Variants in TAFA4 observed in about 807,000 individuals in gnomAD.
TAFA4 encodes the protein TAFA chemokine like family member 4.
TAFA4 carries 20 observed loss-of-function variants against 21.1 expected under a neutral mutation model. That is an observed-to-expected ratio of 0.95 (90% CI 0.67 to 1.38). The LOEUF is 1.38. TAFA4 is among the 40% of genes most tolerant of loss of function. The pLI, the probability that TAFA4 is intolerant of heterozygous loss-of-function variation, is 0.00. For synonymous variants in TAFA4, 71 were observed against 67.4 expected, an observed-to-expected ratio of 1.05 and a Z score of -0.26; for missense variants, 211 against 180.9, an observed-to-expected ratio of 1.17 and a Z score of -0.95.
intron 3 of TAFA4, among the ~76,000 whole-genome samples, chr3:68,846,005 G>A (rs761263690): frequency 8.5e-5 from 13 of 152,122 alleles, no homozygotes; most frequent in East Asian, 3.9e-4. Context: ...GGGGTTGGTC[G>A]TCTTGAGGAG....
intron 3 of TAFA4, among the ~76,000 whole-genome samples, chr3:68,875,293 A>C (rs911291798): frequency 1.3e-5 from 2 of 151,856 alleles, no homozygotes; most frequent in African/African-American, 4.8e-5. Flanking sequence ...TGAGTAATCA[A>C]TAGTACGGTT....
chr3:68,847,239 A>T lies in TAFA4; in HGVS notation c.130+33491T>A, dbSNP rs1246922156. On this transcript the variant is annotated intron_variant, in intron 3 of 5. Transcript: ENST00000295569. ...CCCAGAGAGGAGGAATCTAGAGAGG[A>T]AGTCTGCTTACAGTGGCTTTTCTGA... Among the ~76,000 whole-genome samples the T allele has an allele frequency of 2.6e-5, 4 of 152,186 alleles. No individual in the cohort carries two copies. The East Asian group carries it at 7.7e-4, about 29-fold the overall frequency.
intron 3 of TAFA4, among the ~76,000 whole-genome samples, chr3:68,828,235 T>C (rs2106874161): frequency 6.6e-6 from 1 of 152,340 alleles, no homozygotes; most frequent in South Asian, 2.1e-4. Flanking sequence ...CATTGGTCTA[T>C]ATCTCTGTTT....
At chr3:68,845,768 T>C (rs903210633) in intron 3 of TAFA4, among the ~76,000 whole-genome samples, 1 of 152,210 alleles carries the variant, frequency 6.6e-6, no homozygotes, top group African/African-American at 2.4e-5. Context: ...CATTTCTCCT[T>C]CACTTATGAA....
intron 1 of TAFA4, among the ~76,000 whole-genome samples, chr3:68,928,051 C>T (rs1211204127): frequency 6.6e-6 from 1 of 152,156 alleles, no homozygotes; most frequent in Non-Finnish European, 1.5e-5. Flanking sequence ...ATTTTATTAA[C>T]AAGAACTCCC....
At chr3:68,877,707 T>C (rs1303409177) in intron 3 of TAFA4, among the ~76,000 whole-genome samples, 1 of 152,166 alleles carries the variant, frequency 6.6e-6, no homozygotes, top group East Asian at 1.9e-4. Context: ...ACTAGAACAA[T>C]GAAAAAACAA....
intron 3 of TAFA4, among the ~76,000 whole-genome samples, chr3:68,831,606 G>C (rs1417182282): frequency 1.3e-5 from 2 of 152,124 alleles, no homozygotes; most frequent in Non-Finnish European, 2.9e-5. Context: ...CTCTCTGGCT[G>C]CCCTTAACAT....
chr3:68,810,130 A>G (rs936153642), intron 3 of TAFA4, among the ~76,000 whole-genome samples: 3 of 152,324 alleles, frequency 2.0e-5, no homozygotes, highest in African/African-American at 7.2e-5. Flanking sequence ...GGAATTTGAT[A>G]AGGAATGCAT....
At chr3:68,736,470 A>C (rs1482630141) in intron 5 of TAFA4, among the ~76,000 whole-genome samples, 1 of 152,178 alleles carries the variant, frequency 6.6e-6, no homozygotes, top group Admixed American at 6.6e-5. Flanking sequence ...TTAACTGCCA[A>C]CTATTTTCAT....
chr3:68,856,570 A>G (rs536167681), intron 3 of TAFA4, among the ~76,000 whole-genome samples: 94 of 152,262 alleles, frequency 6.2e-4, no homozygotes, highest in African/African-American at 2.2e-3. Flanking sequence ...CCATAGGTAC[A>G]ACAACCTTCA....
At chr3:68,859,199 A>C (rs1575645018) in intron 3 of TAFA4, among the ~76,000 whole-genome samples, 1 of 152,156 alleles carries the variant, frequency 6.6e-6, no homozygotes, top group African/African-American at 2.4e-5. Flanking sequence ...TACATTACCT[A>C]TCAGCCACCA....
intron 3 of TAFA4, among the ~76,000 whole-genome samples, chr3:68,815,017 A>G (rs1250509315): frequency 6.6e-6 from 1 of 152,226 alleles, no homozygotes; most frequent in Non-Finnish European, 1.5e-5. Context: ...CCACATATCT[A>G]TAACTATCTG....
chr3:68,871,981 A>T (rs1364554163), intron 3 of TAFA4, among the ~76,000 whole-genome samples: 1 of 152,174 alleles, frequency 6.6e-6, no homozygotes, highest in Non-Finnish European at 1.5e-5. Context: ...CCACTGTGGA[A>T]AACAATACAG....
At chr3:68,842,933 T>C (rs969634093) in intron 3 of TAFA4, among the ~76,000 whole-genome samples, 3 of 152,234 alleles carry the variant, frequency 2.0e-5, no homozygotes, top group East Asian at 3.8e-4. Flanking sequence ...TTTTGGTTAC[T>C]GTAGCCTTGG....
Position 68,880,780 on chromosome 3 carries a change from A to G in TAFA4, c.80T>C (p.Val27Ala). 6.2e-7 allele frequency: 1 copy of G among 1,613,964 alleles called. No individual in the cohort carries two copies. Among genetic ancestry groups the G allele is most frequent in the Non-Finnish European group, 8.5e-7 (1 of 1,179,958 alleles). ...TGAGGCGGACATCAGCTTACAGCACACCATTAACACGTAGGCTAGAAAGAG... is the reference window on the plus strand; with the variant it reads ...TGAGGCGGACATCAGCTTACAGCACGCCATTAACACGTAGGCTAGAAAGAG... ...HWLFLAYVLM[V>A]CCKLMSASSQ... Residue 27 changes from valine (V) to alanine (A), a missense_variant, in exon 3 of 6, where the codon GTG becomes GCG. By Grantham distance (64) the Val-to-Ala change is moderately conservative (BLOSUM62 0). Coordinates refer to ENST00000295569, the MANE Select transcript of TAFA4 (RefSeq NM_182522.5).
intron 3 of TAFA4, among the ~76,000 whole-genome samples, chr3:68,825,015 G>T (rs1387924038): frequency 1.3e-5 from 2 of 152,150 alleles, no homozygotes; most frequent in Non-Finnish European, 2.9e-5. Context: ...TACAGGATAT[G>T]CAGGTTTGTT....
intron 1 of TAFA4, among the ~76,000 whole-genome samples, chr3:68,931,410 T>C (rs1041543042): frequency 1.3e-5 from 2 of 152,078 alleles, no homozygotes; most frequent in Admixed American, 6.5e-5. Flanking sequence ...AAACGTTAAA[T>C]GATGCTGATT....
intron 3 of TAFA4, among the ~76,000 whole-genome samples, chr3:68,835,731 G>A (rs901484788): frequency 2.0e-5 from 3 of 152,232 alleles, no homozygotes; most frequent in Non-Finnish European, 4.4e-5. Context: ...GGGCAAGAAT[G>A]CTTAGAAATG....
At position 68,841,788 on chromosome 3, in the gene TAFA4, C is replaced by A. The variant is rs372063654; in HGVS notation, c.130+38942G>T. Among the ~76,000 whole-genome samples, 15 of 151,994 alleles carry A rather than the reference C, an allele frequency of 9.9e-5. No individual in the cohort carries two copies. In the East Asian group the frequency reaches 2.7e-3, roughly 28 times the overall value. ...TTCAACTCCCACTTATGAGTGAGAA[C>A]ATGCAGTGTTTGGTTATTCGTCCTT... On this transcript the variant is annotated intron_variant, in intron 3 of 5. Coordinates refer to ENST00000295569, the MANE Select transcript of TAFA4 (RefSeq NM_182522.5).
Sources: gnomAD v4.1 joint callset for allele counts (sites outside exome capture counted in the v4.1 genomes callset) on GRCh38, gnomAD v4.1.1 for gene constraint, MANE v1.5 for transcripts, NCBI Gene and HGNC (gene_info 2026-07-23, HGNC 2026-07-21) for gene names.